The following MED12L variants were observed in gnomAD, a reference collection of about 807,000 sequenced individuals.
MED12L encodes mediator of RNA polymerase II transcription subunit 12-like protein.
Under a neutral mutation model 281.3 loss-of-function variants are expected in MED12L, and 60 were observed. That is an observed-to-expected ratio of 0.21 (90% CI 0.17 to 0.26). MED12L has a LOEUF of 0.26. MED12L is among the 10% of genes least tolerant of loss of function. The probability of loss-of-function intolerance (pLI) is 1.00; values close to 1 mark genes in which losing one functional copy is unlikely to be tolerated. For synonymous variants in MED12L, 974 were observed against 987.2 expected (o/e 0.99, Z 0.25); for missense variants, 2,146 against 2,680.9 (o/e 0.80, Z 4.41).
At chr3:151,105,745 A>G (rs77811387) in intron 2 of MED12L, among the ~76,000 whole-genome samples, 2 of 152,162 alleles carry the variant, frequency 1.3e-5, no homozygotes, top group African/African-American at 4.8e-5. Context: ...ATATGCAGAC[A>G]ACTCACGACT....
At chr3:151,110,156 T>C (rs576535056) in intron 2 of MED12L, among the ~76,000 whole-genome samples, 1 of 152,334 alleles carries the variant, frequency 6.6e-6, no homozygotes, top group Non-Finnish European at 1.5e-5. Context: ...CCTTAAACAT[T>C]CTGGCTTGGG....
chr3:151,205,021 T>G (rs1006176662), intron 16 of MED12L, among the ~76,000 whole-genome samples: 1 of 152,256 alleles, frequency 6.6e-6, no homozygotes, highest in Non-Finnish European at 1.5e-5. Context: ...AATAGATGAA[T>G]CATATTCCTC....
intron 39 of MED12L, among the ~76,000 whole-genome samples, chr3:151,407,865 A>AT (rs531770752): frequency 1.3e-5 from 2 of 151,944 alleles, no homozygotes; most frequent in East Asian, 1.9e-4. Flanking sequence ...TGGCCACGTG[A>AT]TTTTTTTTGT....
rs772168681 is a variant in MED12L, at chr3:151,380,097, A to G, written c.4479-16A>G. On this transcript the variant is annotated splice_polypyrimidine_tract_variant and intron_variant, in intron 31 of 44. Coordinates refer to ENST00000687756, the MANE Select transcript of MED12L (RefSeq NM_001393769.1). ...ATTTCTAACTAGATCTGTTGTTATT[A>G]TTACTTCCTTTGTAGTATGTCTCTT... 145 of 1,476,378 alleles carry G rather than the reference A, an allele frequency of 9.8e-5. 1 individual carries two copies. Among genetic ancestry groups the G allele is most frequent in the Non-Finnish European group, 1.3e-4 (143 of 1,076,610 alleles). The allele number at this position is 1,476,378 out of a possible 1,614,324, so 91.5% of individuals were successfully genotyped here. A position where few individuals can be genotyped will look rare whatever the true frequency, so the allele number is the denominator to read the frequency against.
intron 43 of MED12L, among the ~76,000 whole-genome samples, chr3:151,418,640 G>T (rs555752791): frequency 1.3e-5 from 2 of 152,238 alleles, no homozygotes; most frequent in East Asian, 3.9e-4. Flanking sequence ...ATACATTGTT[G>T]GTGATATTAC....
chr3:151,260,906 G>A (rs372003931), intron 16 of MED12L, among the ~76,000 whole-genome samples: 7 of 151,912 alleles, frequency 4.6e-5, no homozygotes, highest in Admixed American at 1.3e-4. Context: ...TTATCTTGAC[G>A]GCGTCACATC....
At chr3:151,106,226 TTCC>T (rs1722001489) in intron 2 of MED12L, among the ~76,000 whole-genome samples, 1 of 123,368 alleles carries the variant, frequency 8.1e-6, no homozygotes, top group African/African-American at 2.6e-5. Flanking sequence ...CTTTCTTTCC[TTCC>T]TTCCTTCCTT....
intron 16 of MED12L, chr3:151,294,929 G>A: frequency 6.2e-7 from 1 of 1,614,084 alleles, no homozygotes; most frequent in Non-Finnish European, 8.5e-7. Context: ...GAAGTACCAA[G>A]GTCCAAATCC....
intron 16 of MED12L, among the ~76,000 whole-genome samples, chr3:151,225,454 G>A (rs1032610567): frequency 6.6e-6 from 1 of 152,174 alleles, no homozygotes; most frequent in Non-Finnish European, 1.5e-5. Context: ...GTGAGACCAA[G>A]AGAAAAAGAG....
At chr3:151,105,903 G>A (rs1175235157) in intron 2 of MED12L, among the ~76,000 whole-genome samples, 2 of 152,154 alleles carry the variant, frequency 1.3e-5, no homozygotes, top group South Asian at 2.1e-4. Flanking sequence ...CCCCCAACAT[G>A]GGGGAGATAT....
intron 16 of MED12L, among the ~76,000 whole-genome samples, chr3:151,220,411 T>TGGG (rs1273119638): frequency 6.6e-5 from 10 of 152,146 alleles, no homozygotes; most frequent in African/African-American, 2.4e-4. Context: ...ACACATTACC[T>TGGG]GGGATCTTGC....
At chr3:151,195,293 C>T (rs377274768) in intron 16 of MED12L, among the ~76,000 whole-genome samples, 2 of 152,208 alleles carry the variant, frequency 1.3e-5, no homozygotes, top group East Asian at 1.9e-4. Flanking sequence ...GGAATATCTC[C>T]TGAAATGACT....
intron 16 of MED12L, among the ~76,000 whole-genome samples, chr3:151,302,212 C>T (rs1353596045): frequency 6.6e-6 from 1 of 152,168 alleles, no homozygotes; most frequent in Non-Finnish European, 1.5e-5. Flanking sequence ...TTAGTGTCTG[C>T]TGGGGTTGGG....
At chr3:151,337,611 A>C (rs1007580097) in intron 16 of MED12L, 1 of 568,394 alleles carries the variant, frequency 1.8e-6, no homozygotes, top group Admixed American at 3.4e-5. Context: ...CTGCTAATAC[A>C]GCTACAGTTT....
rs1716942489 is a variant in MED12L at position 151,141,187 on chromosome 3, G to GTTTTTTTTTTGTTTT, written c.556+13213_556+13214insGTTTTTTTTTTTTTT. Among the ~76,000 whole-genome samples, 21 of 99,124 alleles carry GTTTTTTTTTTGTTTT rather than the reference G, an allele frequency of 2.1e-4. 2 individuals are homozygous for GTTTTTTTTTTGTTTT. The highest frequency in any genetic ancestry group is 9.5e-4 in the African/African-American group (20 of 21,014). The allele number at this position is 99,124 out of a possible 152,430, so 65.0% of individuals were successfully genotyped here. On this transcript the variant is annotated intron_variant, in intron 5 of 44. Coordinates refer to ENST00000687756, the MANE Select transcript of MED12L (RefSeq NM_001393769.1). ...TGGCGTTTTTTTTTTTGTTTTTTTTGTTTTTTTTTTTTTGTTAGTAGAGAC... is the reference window on the plus strand; with the variant it reads ...TGGCGTTTTTTTTTTTGTTTTTTTTGTTTTTTTTTTGTTTTTTTTTTTTTTTTTGTTAGTAGAGAC...
intron 16 of MED12L, chr3:151,294,869 T>C (rs1443514872): frequency 1.2e-6 from 2 of 1,613,958 alleles, no homozygotes; most frequent in African/African-American, 2.7e-5. Context: ...GATGGAAGTA[T>C]ACATGTTTGC....
At chr3:151,327,832 A>C in intron 16 of MED12L, 1 of 540,904 alleles carries the variant, frequency 1.8e-6, no homozygotes, top group East Asian at 3.0e-5. Context: ...TTATGAATAG[A>C]TCTATGTGGA....
intron 4 of MED12L, among the ~76,000 whole-genome samples, chr3:151,126,247 T>C (rs1714505563): frequency 1.3e-5 from 2 of 152,058 alleles, no homozygotes; most frequent in African/African-American, 4.8e-5. Flanking sequence ...TTTGCCATGC[T>C]GCCCAGGCTG....
intron 2 of MED12L, among the ~76,000 whole-genome samples, chr3:151,116,110 A>G (rs967886645): frequency 2.6e-5 from 4 of 151,360 alleles, no homozygotes; most frequent in Non-Finnish European, 4.4e-5. Flanking sequence ...GAATACCCAT[A>G]TACTCTGCAC....
Sources: gnomAD v4.1 joint callset for allele counts (sites outside exome capture counted in the v4.1 genomes callset) on GRCh38, gnomAD v4.1.1 for gene constraint, MANE v1.5 for transcripts, NCBI Gene and HGNC (gene_info 2026-07-23, HGNC 2026-07-21) for gene names.